The following ACAD10 variants were observed in gnomAD, a reference collection of about 807,000 sequenced individuals.
The protein encoded by ACAD10 is ACAD-10.
Under a neutral mutation model 116.8 loss-of-function variants are expected in ACAD10, and 112 were observed. The observed-to-expected ratio is 0.96, with a 90% CI of 0.82 to 1.12. The LOEUF (loss-of-function observed/expected upper bound fraction) is 1.12. Ranked by LOEUF, ACAD10 falls within the 50% of genes most tolerant of loss-of-function variation. ACAD10 has a pLI of 0.00. For synonymous variants in ACAD10, 486 were observed against 510.6 expected (o/e 0.95, Z 0.65); for missense variants, 1,259 against 1,350.2 (o/e 0.93, Z 1.06).
chr12:111,722,354 G>A (rs1046057535), intron 8 of ACAD10, among the ~76,000 whole-genome samples: 1 of 150,832 alleles, frequency 6.6e-6, no homozygotes, highest in African/African-American at 2.5e-5. Context: ...GTAAGCCACC[G>A]TGCCCGGCCC....
rs756961518 is a variant in ACAD10, at chr12:111,756,355, G to A, written c.3062G>A (p.Ser1021Asn). The A allele has an allele frequency of 1.9e-6, 3 of 1,609,032 alleles. No homozygotes were observed. Among genetic ancestry groups the A allele is most frequent in the Non-Finnish European group, 2.5e-6 (3 of 1,178,830 alleles). ...CAGGCCTTTGGAGCAGCAGGCCTGA[G>A]CAGCGACTACCCACTGGCTCAGTTC... ...AIQAFGAAGL[S>N]SDYPLAQFFT... The change falls in exon 21 of 21, where the codon AGC becomes AAC. Residue 1021 changes from serine (S) to asparagine (N), a missense_variant. By Grantham distance (46) the Ser-to-Asn change is conservative (BLOSUM62 1). Transcript: ENST00000313698.
intron 8 of ACAD10, among the ~76,000 whole-genome samples, chr12:111,722,592 C>G (rs923577683): frequency 1.3e-5 from 2 of 151,646 alleles, no homozygotes; most frequent in Admixed American, 1.3e-4. Flanking sequence ...TGACTCTTAA[C>G]GAGCATGCTG....
rs539264853 is a variant in ACAD10 at position 111,710,633 on chromosome 12, TATAGGCG to T, written c.690+950_690+956del. ...TGTCAGCCCCCTGAGTAGCTGGGAC[TATAGGCG>T]CACGCCACCATGCCCGGTTAATTTT... On this transcript the variant is annotated intron_variant, in intron 5 of 20. Transcript: ENST00000313698. Among the ~76,000 whole-genome samples, 3 of 151,854 alleles carry T rather than the reference TATAGGCG, an allele frequency of 2.0e-5. No individual in the cohort carries two copies. In the South Asian group the frequency reaches 6.3e-4, roughly 32 times the overall value.
rs537245204 is a variant in ACAD10 at position 111,702,656 on chromosome 12, C to G, written c.336+346C>G. On this transcript the variant is annotated intron_variant, in intron 3 of 20. Coordinates refer to ENST00000313698, the MANE Select transcript of ACAD10 (RefSeq NM_025247.6). ...TGAGGCAGGAGAATTGCTTGAACCT[C>G]AGGGGTGGAGGTTGCAGTGAGCTGA... 9.2e-5 allele frequency among the ~76,000 whole-genome samples: 14 copies of G among 151,768 alleles called. No individual in the cohort carries two copies. The South Asian group carries it at 2.7e-3, about 29-fold the overall frequency.
intron 8 of ACAD10, 126 bp from the exon 9 acceptor site, chr12:111,727,836 T>C: frequency 2.2e-6 from 2 of 909,608 alleles, no homozygotes; most frequent in Non-Finnish European, 3.4e-6. Flanking sequence ...TCCAGTGCTC[T>C]GGGTCTGAAC....
rs1888488118 is a variant in ACAD10 at position 111,705,880 on chromosome 12, A to G, written c.479A>G (p.Tyr160Cys). ...ACTGCAGTCTTGAGCAATAATTTTT[A>G]TCTTCCCAACCAGAAAAGCTTTTTG... Reference protein sequence around the residue: ...LQTAVLSNNFYLPNQKSFLPL... With the variant: ...LQTAVLSNNFCLPNQKSFLPL... Residue 160 changes from tyrosine (Y) to cysteine (C), a missense_variant, in exon 4 of 21, where the codon TAT (tyrosine) becomes TGT (cysteine). Physicochemically the swap from Tyr to Cys is radical, Grantham distance 194 (BLOSUM62 -2). Transcript: ENST00000313698. 6.2e-7 allele frequency: 1 copy of G among 1,614,130 alleles called. No individual in the cohort carries two copies. The highest frequency in any genetic ancestry group is 8.5e-7 in the Non-Finnish European group (1 of 1,180,016).
Position 111,744,707 on chromosome 12 carries a change from G to A in ACAD10, c.1779G>A (p.Ala593=), listed in dbSNP as rs767143492. The change falls in exon 13 of 21, where the codon GCG becomes GCA. Residue 593 remains alanine (A), a synonymous_variant. Coordinates refer to ENST00000313698, the MANE Select transcript of ACAD10 (RefSeq NM_025247.6). ...TGACCGAATTTGTGTCTAACCTGGCGTGGGATTTCGCAGTCAAAGAAGGGT... is the reference window on the plus strand; with the variant it reads ...TGACCGAATTTGTGTCTAACCTGGCATGGGATTTCGCAGTCAAAGAAGGGT... The part of the protein sequence containing the change: ...GKLTEFVSNL[A]WDFAVKEGFR... 99 of 1,614,118 alleles carry A rather than the reference G, an allele frequency of 6.1e-5. No homozygotes were observed. The highest frequency in any genetic ancestry group is 8.0e-5 in the Non-Finnish European group (94 of 1,180,048).
intron 10 of ACAD10, 47 bp downstream of exon 10, chr12:111,730,003 C>G: frequency 6.3e-7 from 1 of 1,590,576 alleles, no homozygotes; most frequent in Admixed American, 1.8e-5. Flanking sequence ...CAAGGATGCT[C>G]CAAGGGGGAA....
At position 111,702,116 on chromosome 12, in the gene ACAD10, A is replaced by G. The variant is rs1455832797; in HGVS notation, c.188-46A>G. ...AATTTTCCTGAGCTCCCTAAACCCC[A>G]GCATGTATCAATGTATTCCACTTTT... On this transcript the variant is annotated intron_variant, in intron 2 of 20. Coordinates refer to ENST00000313698, the MANE Select transcript of ACAD10 (RefSeq NM_025247.6). The G allele has an allele frequency of 3.1e-6, 5 of 1,593,496 alleles. No homozygotes were observed. The African/African-American group carries it at 4.1e-5, about 13-fold the overall frequency.
chr12:111,728,790 A>G lies in ACAD10; in HGVS notation c.1243+647A>G, dbSNP rs1015347320. Among the ~76,000 whole-genome samples, 3 of 152,084 alleles carry G rather than the reference A, an allele frequency of 2.0e-5. No homozygotes were observed. In the East Asian group the frequency reaches 5.8e-4, roughly 29 times the overall value. The stretch of plus-strand genomic sequence containing the variant: ...CTGCAGCCTCAACCTCTTGGGCTCA[A>G]GCAATCCTCCTGCCTCTCCCTCTTG... On this transcript the variant is annotated intron_variant, in intron 9 of 20. Coordinates refer to ENST00000313698, the MANE Select transcript of ACAD10 (RefSeq NM_025247.6).
chr12:111,741,373 C>T (rs1358008001), intron 12 of ACAD10, among the ~76,000 whole-genome samples: 1 of 152,172 alleles, frequency 6.6e-6, no homozygotes, highest in African/African-American at 2.4e-5. Flanking sequence ...TTTCTCCCTG[C>T]TCTGCTCCAG....
chr12:111,709,319 G>A (rs888652786), intron 4 of ACAD10, among the ~76,000 whole-genome samples: 1 of 152,138 alleles, frequency 6.6e-6, no homozygotes, highest in African/African-American at 2.4e-5. Flanking sequence ...TTGGTTTCTC[G>A]AGTTTGCCCC....
intron 1 of ACAD10, among the ~76,000 whole-genome samples, chr12:111,689,654 G>A (rs763861199): frequency 1.3e-5 from 2 of 151,994 alleles, no homozygotes; most frequent in Non-Finnish European, 2.9e-5. Flanking sequence ...TGGGATTACA[G>A]GCGTCAGTTA....
chr12:111,692,215 G>T (rs943057452), intron 1 of ACAD10, among the ~76,000 whole-genome samples: 2 of 152,166 alleles, frequency 1.3e-5, no homozygotes, highest in African/African-American at 4.8e-5. Flanking sequence ...TGATCCACCC[G>T]CCTTGGCCTC....
In ACAD10 at chr12:111,719,302, G is replaced by A. The variant is rs1467342442; in HGVS notation, c.993-2369G>A. ...GGAGTCTTGGTCTGTCACCCAGGCC[G>A]TAGTGCAGTGGTGCGATCTTGGCTC... On this transcript the variant is annotated intron_variant, in intron 7 of 20. Coordinates refer to ENST00000313698, the MANE Select transcript of ACAD10 (RefSeq NM_025247.6). Among the ~76,000 whole-genome samples the A allele has an allele frequency of 3.3e-5, 5 of 152,190 alleles. 1 individual carries two copies. The highest frequency in any genetic ancestry group is 4.1e-4 in the South Asian group (2 of 4,828).
rs932733697 is a variant in ACAD10 at position 111,746,264 on chromosome 12, A to G, written c.2236A>G (p.Thr746Ala). 6.2e-7 allele frequency: 1 copy of G among 1,613,126 alleles called. No individual in the cohort carries two copies. Among genetic ancestry groups the G allele is most frequent in the Non-Finnish European group, 8.5e-7 (1 of 1,179,734 alleles). ...EYAHLCELMG[T>A]SLYAPEVCNC... ...TGCACATCTGTGTGAGCTCATGGGC[A>G]CGTCCCTGTATGCCCCCGAGGTACC... is the stretch of plus-strand genomic sequence containing the variant. The change falls in exon 14 of 21, where the codon ACG becomes GCG. Residue 746 changes from threonine (T) to alanine (A), a missense_variant. Coordinates refer to ENST00000313698, the MANE Select transcript of ACAD10 (RefSeq NM_025247.6).
At chr12:111,705,034 A>G (rs998342319) in intron 3 of ACAD10, among the ~76,000 whole-genome samples, 4 of 152,070 alleles carry the variant, frequency 2.6e-5, no homozygotes, top group Non-Finnish European at 5.9e-5. Flanking sequence ...AAAACAAGAA[A>G]AAAATTGATC....
At chr12:111,749,459 T>C (rs1454242464) in intron 18 of ACAD10, 114 bp downstream of exon 18, 2 of 1,345,092 alleles carry the variant, frequency 1.5e-6, no homozygotes, top group South Asian at 1.4e-5. Flanking sequence ...TGAAGCAAGG[T>C]GATGTCCTTG....
chr12:111,712,668 T>C lies in ACAD10; in HGVS notation c.850+11T>C. The C allele has an allele frequency of 6.2e-7, 1 of 1,612,084 alleles. No homozygotes were observed. Among genetic ancestry groups the C allele is most frequent in the Non-Finnish European group, 8.5e-7 (1 of 1,179,240 alleles). ...GTATCCAGACCACAGGTATGTGGGC[T>C]TCTTTCATGTTTTGGTAGCTCTCTC... On this transcript the variant is annotated intron_variant, in intron 6 of 20. Coordinates refer to ENST00000313698, the MANE Select transcript of ACAD10 (RefSeq NM_025247.6).
Sources: allele counts gnomAD v4.1 joint callset (sites outside exome capture counted in the v4.1 genomes callset), GRCh38; gene constraint gnomAD v4.1.1; transcripts MANE v1.5; gene names NCBI Gene and HGNC (gene_info 2026-07-23, HGNC 2026-07-21).